FHIP1A: variants seen among roughly 807,000 people sequenced by gnomAD.
FHIP1A encodes FHF complex subunit HOOK-interacting protein 1A.
Under a neutral mutation model 88.6 loss-of-function variants are expected in FHIP1A, and 61 were observed. The ratio of observed to expected loss-of-function variants is 0.69; its 90% CI spans 0.56 to 0.85. The LOEUF is 0.85. Among genes scored for constraint, FHIP1A ranks in the 40% least tolerant of loss-of-function variants. FHIP1A has a pLI of 0.00. For missense variants in FHIP1A, 1,154 were observed against 1,273.5 expected (o/e 0.91, Z 1.43); for synonymous variants, 478 against 496.0 (o/e 0.96, Z 0.48).
intron 3 of FHIP1A, among the ~76,000 whole-genome samples, chr4:151,516,033 C>T (rs1205793699): frequency 6.6e-6 from 1 of 152,176 alleles, no homozygotes; most frequent in Non-Finnish European, 1.5e-5. Flanking sequence ...AGGCATCACA[C>T]TACCTGACTT....
At chr4:151,421,784 C>CT (rs1323524377) in intron 1 of FHIP1A, among the ~76,000 whole-genome samples, 1 of 152,022 alleles carries the variant, frequency 6.6e-6, no homozygotes, top group Non-Finnish European at 1.5e-5. Context: ...TCAAGCCATA[C>CT]AACTATCGCC....
chr4:151,593,143 C>T (rs1305120585), intron 7 of FHIP1A, among the ~76,000 whole-genome samples: 2 of 152,118 alleles, frequency 1.3e-5, no homozygotes, highest in African/African-American at 4.8e-5. Flanking sequence ...GGTACCAGTA[C>T]CCTGCTGTTT....
chr4:151,665,218 C>T lies in FHIP1A; in HGVS notation c.*2464C>T, dbSNP rs190205592. ...TCTTAAAGTCCTGGGCTCAAGTGAT[C>T]GTCCCGCCTTGGCCTCCCGAAGTGC... On this transcript the variant is annotated 3_prime_UTR_variant, in exon 14 of 14. Coordinates refer to ENST00000435205, the MANE Select transcript of FHIP1A (RefSeq NM_001109977.3). Among the ~76,000 whole-genome samples, 23 of 152,280 alleles carry T rather than the reference C, an allele frequency of 1.5e-4. No individual in the cohort carries two copies. Among genetic ancestry groups the T allele is most frequent in the African/African-American group, 5.3e-4 (22 of 41,570 alleles).
chr4:151,480,749 C>G (rs1729865998), intron 2 of FHIP1A, among the ~76,000 whole-genome samples: 1 of 151,966 alleles, frequency 6.6e-6, no homozygotes, highest in Non-Finnish European at 1.5e-5. Flanking sequence ...TTATCCTTTA[C>G]TTTTCATACT....
rs1737259553 is a variant in FHIP1A, at chr4:151,656,804, G to A, written c.2775G>A (p.Val925=). The A allele has an allele frequency of 6.4e-7, 1 of 1,551,690 alleles. No individual in the cohort carries two copies. Among genetic ancestry groups the A allele is most frequent in the Admixed American group, 2.0e-5 (1 of 51,006 alleles). Residue 925 remains valine, a synonymous_variant, in exon 13 of 14, where the codon GTG becomes GTA. Coordinates refer to ENST00000435205, the MANE Select transcript of FHIP1A (RefSeq NM_001109977.3). The surrounding 1 kb of genome is among the most constrained non-coding windows in gnomAD (Gnocchi z 4.2). ...ACAAGATTGAACAGTTTGCTTCTGT[G>A]GAGAGAGACTTCCCAGGGCTCCTCA... The part of the protein sequence containing the change: ...VKNKIEQFAS[V]ERDFPGLLIQ...
chr4:151,583,896 G>A (rs998889740), intron 5 of FHIP1A, among the ~76,000 whole-genome samples: 5 of 151,864 alleles, frequency 3.3e-5, no homozygotes, highest in Non-Finnish European at 5.9e-5. Context: ...TTAAATAGGG[G>A]ACATTCTCCT....
intron 1 of FHIP1A, among the ~76,000 whole-genome samples, chr4:151,443,005 C>T (rs116034216): frequency 0.01 from 1,552 of 152,066 alleles, 13 homozygotes; most frequent in South Asian, 0.031. Context: ...ATGGCTATAG[C>T]GCTGGCACTT....
At chr4:151,458,720 G>GCAA (rs1335740802) in intron 2 of FHIP1A, among the ~76,000 whole-genome samples, 1 of 152,052 alleles carries the variant, frequency 6.6e-6, no homozygotes, top group African/African-American at 2.4e-5. Flanking sequence ...TTAATCCAGG[G>GCAA]CTTCTTGTTG....
At chr4:151,518,440 T>C (rs1188751700) in intron 3 of FHIP1A, among the ~76,000 whole-genome samples, 1 of 152,184 alleles carries the variant, frequency 6.6e-6, no homozygotes, top group African/African-American at 2.4e-5. Context: ...TTAAACAACA[T>C]ATGACTATAT....
Position 151,515,822 on chromosome 4 carries a change from A to C in FHIP1A, c.-123+33174A>C, listed in dbSNP as rs796677129. 5.3e-5 allele frequency among the ~76,000 whole-genome samples: 8 copies of C among 152,174 alleles called. No homozygotes were observed. The South Asian group carries it at 1.2e-3, about 24-fold the overall frequency. On this transcript the variant is annotated intron_variant, in intron 3 of 13. Coordinates refer to ENST00000435205, the MANE Select transcript of FHIP1A (RefSeq NM_001109977.3). Reference sequence around the variant, plus strand: ...AGAGGATACAAACAAATGGAAGAACATTCCATACTCATGGGTAGGAAGAAT... The same window carrying C: ...AGAGGATACAAACAAATGGAAGAACCTTCCATACTCATGGGTAGGAAGAAT...
intron 3 of FHIP1A, among the ~76,000 whole-genome samples, chr4:151,514,928 G>C (rs552923349): frequency 8.5e-5 from 13 of 152,302 alleles, no homozygotes; most frequent in Non-Finnish European, 1.8e-4. Flanking sequence ...AATAGAAAAA[G>C]AGGGAATCCT....
chr4:151,621,361 T>C (rs1228415512), intron 7 of FHIP1A, among the ~76,000 whole-genome samples: 2 of 150,916 alleles, frequency 1.3e-5, no homozygotes, highest in Non-Finnish European at 3.0e-5. Flanking sequence ...GTGTGTTTTC[T>C]GCCTTCCCAT....
intron 8 of FHIP1A, among the ~76,000 whole-genome samples, chr4:151,634,417 A>G (rs1736272201): frequency 6.6e-6 from 1 of 151,880 alleles, no homozygotes; most frequent in Non-Finnish European, 1.5e-5. Flanking sequence ...AAAAATCCCA[A>G]AATTTATATG....
intron 7 of FHIP1A, among the ~76,000 whole-genome samples, chr4:151,601,441 A>G (rs1487708982): frequency 2.0e-5 from 3 of 151,996 alleles, no homozygotes; most frequent in Non-Finnish European, 4.4e-5. Context: ...GGTTTAATGC[A>G]TAAGTAAATT....
chr4:151,570,187 G>C (rs760923373), intron 4 of FHIP1A, among the ~76,000 whole-genome samples: 1 of 152,112 alleles, frequency 6.6e-6, no homozygotes, highest in Non-Finnish European at 1.5e-5. Context: ...CTCCAAAAAT[G>C]CAAAGTTGCT....
chr4:151,584,088 TA>T (rs1437133269), intron 5 of FHIP1A, among the ~76,000 whole-genome samples: 1 of 152,148 alleles, frequency 6.6e-6, no homozygotes, highest in Non-Finnish European at 1.5e-5. Flanking sequence ...AAATGTATAT[TA>T]TTTTTTTGAT....
chr4:151,454,464 G>A (rs1369745746), intron 1 of FHIP1A, among the ~76,000 whole-genome samples: 1 of 152,170 alleles, frequency 6.6e-6, no homozygotes, highest in Non-Finnish European at 1.5e-5. Context: ...CAGAACTAAA[G>A]AGGCTAGTAA....
intron 3 of FHIP1A, among the ~76,000 whole-genome samples, chr4:151,497,089 C>A (rs985944730): frequency 4.6e-5 from 7 of 152,114 alleles, no homozygotes; most frequent in Non-Finnish European, 8.8e-5. Flanking sequence ...AAGGCAGATT[C>A]ATGTAAACAT....
intron 3 of FHIP1A, among the ~76,000 whole-genome samples, chr4:151,562,278 G>A (rs977687512): frequency 4.0e-5 from 6 of 151,884 alleles, no homozygotes; most frequent in African/African-American, 1.5e-4. Context: ...GAGGGATGAA[G>A]AAGGAGGGGT....
Sources: gnomAD v4.1 joint callset for allele counts (sites outside exome capture counted in the v4.1 genomes callset) on GRCh38, gnomAD v4.1.1 for gene constraint, Gnocchi (gnomAD v3.1) non-coding constraint, MANE v1.5 for transcripts, NCBI Gene and HGNC (gene_info 2026-07-23, HGNC 2026-07-21) for gene names.